Variants in CSPG5 observed in about 807,000 individuals in gnomAD.
CSPG5 encodes acidic leucine-rich EGF-like domain-containing brain protein.
A neutral mutation model predicts 39.8 loss-of-function variants in CSPG5; 25 were observed. That is an observed-to-expected ratio of 0.63 (90% CI 0.46 to 0.88). The LOEUF is 0.88. CSPG5 is among the 40% of genes least tolerant of loss of function. CSPG5 has a pLI of 0.00. For synonymous variants in CSPG5, 295 were observed against 303.9 expected (o/e 0.97, Z 0.31); for missense variants, 627 against 702.2 (o/e 0.89, Z 1.21).
At position 47,562,405 on chromosome 3, in the gene CSPG5, A is replaced by G. The variant is rs2031112039; in HGVS notation, c.*195T>C. The G allele has an allele frequency of 3.5e-5, 18 of 514,382 alleles. No homozygotes were observed. The East Asian group carries it at 5.7e-4, about 16-fold the overall frequency. 31.9% of individuals were successfully genotyped at this position (514,382 alleles called of 1,614,324 possible). On this transcript the variant is annotated 3_prime_UTR_variant, in exon 5 of 5. Coordinates refer to ENST00000264723, the MANE Select transcript of CSPG5 (RefSeq NM_006574.4). ...CAGAAAAAACAACCCAATGTATGCA[A>G]TTCTGTTCAGTTTCTTTGCTTATTT...
At chr3:47,564,796 T>C (rs1000195787) in intron 4 of CSPG5, among the ~76,000 whole-genome samples, 8 of 152,116 alleles carry the variant, frequency 5.3e-5, no homozygotes, top group Non-Finnish European at 1.2e-4. Context: ...TATATATATA[T>C]ACACACGTGT....
chr3:47,577,522 G>A lies in CSPG5; in HGVS notation c.504C>T (p.Pro168=), dbSNP rs2031805113. Residue 168 remains proline, a synonymous_variant, in exon 2 of 5, where the codon CCC becomes CCT. Coordinates refer to ENST00000264723, the MANE Select transcript of CSPG5 (RefSeq NM_006574.4). This position sits in a 1 kb window ranked among gnomAD's most constrained non-coding sequence, Gnocchi z 4.7. ...GDKLSPASEL[P]KESPLEVWLN... ...GCCAAACCTCCAAGGGGCTCTCCTT[G>A]GGGAGTTCAGAAGCTGGGCTCAGCT... is the stretch of plus-strand genomic sequence containing the variant. 1.9e-6 allele frequency: 3 copies of A among 1,612,376 alleles called. No individual in the cohort carries two copies. The highest frequency in any genetic ancestry group is 2.5e-6 in the Non-Finnish European group (3 of 1,179,436).
intron 4 of CSPG5, among the ~76,000 whole-genome samples, chr3:47,566,461 C>T (rs1355792997): frequency 2.0e-5 from 3 of 152,164 alleles, no homozygotes; most frequent in Non-Finnish European, 4.4e-5. Context: ...TGTTCATCGG[C>T]AATGCCCACA....
In CSPG5 at chr3:47,576,889, A is replaced by T; in HGVS notation, c.1137T>A (p.Ser379Arg). ...SCRSVCDLFP[S>R]YCHNGGQCYL... ...AGCACTGGCCGCCATTGTGACAGTA[A>T]CTTGGGAAGAGGTCGCACACTGACC... The change falls in exon 2 of 5, where the codon AGT becomes AGA. Residue 379 changes from serine to arginine, a missense_variant. Ser to Arg is a moderately radical substitution (Grantham distance 110, BLOSUM62 -1). Coordinates refer to ENST00000264723, the MANE Select transcript of CSPG5 (RefSeq NM_006574.4). 6.3e-7 allele frequency: 1 copy of T among 1,596,148 alleles called. No homozygotes were observed.
chr3:47,569,734 G>C (rs1348165595), intron 3 of CSPG5, among the ~76,000 whole-genome samples: 3 of 148,572 alleles, frequency 2.0e-5, no homozygotes, highest in Non-Finnish European at 3.0e-5. Context: ...GTTTTTAAAG[G>C]CTTTTCTATT....
At chr3:47,576,073 T>C (rs948250482) in intron 2 of CSPG5, among the ~76,000 whole-genome samples, 8 of 152,048 alleles carry the variant, frequency 5.3e-5, no homozygotes, top group South Asian at 4.1e-4. Context: ...TAGCTGGGAT[T>C]ACAGGCATGT....
chr3:47,562,890 C>T, intron 4 of CSPG5, 129 bp from the exon 5 acceptor site: 1 of 999,024 alleles, frequency 1.0e-6, no homozygotes, highest in Non-Finnish European at 1.4e-6. Context: ...CTTGAATGAA[C>T]TAAAAGGAAC....
chr3:47,577,173 C>T lies in CSPG5; in HGVS notation c.853G>A (p.Asp285Asn), dbSNP rs748169326. 6.8e-6 allele frequency: 11 copies of T among 1,611,240 alleles called. No individual in the cohort carries two copies. In the East Asian group the frequency reaches 2.5e-4, roughly 36 times the overall value. Residue 285 changes from aspartate to asparagine, a missense_variant, in exon 2 of 5, where the codon GAC (aspartate) becomes AAC (asparagine). Physicochemically the swap from Asp to Asn is conservative, Grantham distance 23. Transcript: ENST00000264723. This position sits in a 1 kb window ranked among gnomAD's most constrained non-coding sequence, Gnocchi z 4.7. ...TCTCCACCTCCTACTGCATCTTTGT[C>T]ATCCTCCTCTTCCTCCTCCTCTTCA... ...LDEEEEEEED[D>N]KDAVGGGDLE...
chr3:47,577,034 G>A lies in CSPG5; in HGVS notation c.992C>T (p.Ser331Leu). ...HAVPPQHTLGSVPGSSIALRP... is the reference protein window; with the variant it reads ...HAVPPQHTLGLVPGSSIALRP... ...GAGGGCGATGCTGCTGCCGGGGACC[G>A]ACCCCAGAGTGTGCTGTGGAGGGAC... is the stretch of plus-strand genomic sequence containing the variant. The change falls in exon 2 of 5, where the codon TCG becomes TTG. Residue 331 changes from serine (S) to leucine (L), a missense_variant. Ser to Leu is a moderately radical substitution (Grantham distance 145, BLOSUM62 -2). Transcript: ENST00000264723. The surrounding 1 kb of genome is among the most constrained non-coding windows in gnomAD (Gnocchi z 4.7). 1.2e-6 allele frequency: 2 copies of A among 1,612,948 alleles called. No homozygotes were observed. The highest frequency in any genetic ancestry group is 2.2e-5 in the East Asian group (1 of 44,866).
At chr3:47,574,060 T>G (rs77743161) in intron 2 of CSPG5, among the ~76,000 whole-genome samples, 9 of 152,072 alleles carry the variant, frequency 5.9e-5, no homozygotes, top group Admixed American at 5.9e-4. Flanking sequence ...GGCCTGGGTG[T>G]ACACAGCCAG....
At chr3:47,565,138 G>A (rs569098234) in intron 4 of CSPG5, among the ~76,000 whole-genome samples, 2 of 152,262 alleles carry the variant, frequency 1.3e-5, no homozygotes, top group Middle Eastern at 3.4e-3. Flanking sequence ...ACTCCTCACA[G>A]ACCCTGGTCT....
At chr3:47,576,466 T>G (rs186994956) in intron 2 of CSPG5, among the ~76,000 whole-genome samples, 2,079 of 146,602 alleles carry the variant, frequency 0.014, 49 homozygotes, top group African/African-American at 0.048. Flanking sequence ...GTTTTGTTTT[T>G]TTTTTTTTTT....
chr3:47,571,552 G>A (rs772611894), intron 3 of CSPG5, among the ~76,000 whole-genome samples: 5 of 152,312 alleles, frequency 3.3e-5, no homozygotes, highest in African/African-American at 4.8e-5. Context: ...GATGCAGCCC[G>A]CCTCAGTGCA....
Position 47,578,062 on chromosome 3 carries a change from C to T in CSPG5, c.98-134G>A, listed in dbSNP as rs1246237609. On this transcript the variant is annotated intron_variant, in intron 1 of 4. Coordinates refer to ENST00000264723, the MANE Select transcript of CSPG5 (RefSeq NM_006574.4). This position sits in a 1 kb window ranked among gnomAD's most constrained non-coding sequence, Gnocchi z 6.0. ...CCTCGCCACCCTCAGACCCCACCGC[C>T]CCAGTGTGACCCCAGCCACCCGGTA... is the stretch of plus-strand genomic sequence containing the variant. 4 of 1,256,804 alleles carry T rather than the reference C, an allele frequency of 3.2e-6. No individual in the cohort carries two copies. The highest frequency in any genetic ancestry group is 4.0e-6 in the Non-Finnish European group (4 of 991,410). The allele number at this position is 1,256,804 out of a possible 1,614,324, so 77.9% of individuals were successfully genotyped here. A position where few individuals can be genotyped will look rare whatever the true frequency, so the allele number is the denominator to read the frequency against.
chr3:47,576,706 T>C (rs1473452950), intron 2 of CSPG5, 127 bp downstream of exon 2: 114 of 1,074,620 alleles, frequency 1.1e-4, no homozygotes, highest in Middle Eastern at 2.3e-4. Context: ...GAGATCCGCC[T>C]GCCTCAGCCT....
chr3:47,574,666 G>A (rs1443608646), intron 2 of CSPG5, among the ~76,000 whole-genome samples: 2 of 152,200 alleles, frequency 1.3e-5, no homozygotes, highest in African/African-American at 4.8e-5. Flanking sequence ...TCGGCTGGGC[G>A]CGGTGGCTCA....
intron 2 of CSPG5, 103 bp downstream of exon 2, chr3:47,576,730 G>C: frequency 7.5e-7 from 1 of 1,330,094 alleles, no homozygotes; most frequent in Non-Finnish European, 1.0e-6. Flanking sequence ...AAAGTGCTGG[G>C]ATTACAGGCG....
In CSPG5 at chr3:47,562,449, C is replaced by G; in HGVS notation, c.*151G>C. On this transcript the variant is annotated 3_prime_UTR_variant, in exon 5 of 5. Transcript: ENST00000264723. ...CTTATTTTAAGTATTTTTTTGCCTC[C>G]TGTACAAAATACATAAAAGCATGCC... is the stretch of plus-strand genomic sequence containing the variant. 1.3e-6 allele frequency: 1 copy of G among 773,542 alleles called. No individual in the cohort carries two copies. The highest frequency in any genetic ancestry group is 2.0e-6 in the Non-Finnish European group (1 of 497,120). The allele number at this position is 773,542 out of a possible 1,614,324, so 47.9% of individuals were successfully genotyped here. A position where few individuals can be genotyped will look rare whatever the true frequency, so the allele number is the denominator to read the frequency against.
chr3:47,574,984 G>A (rs969862799), intron 2 of CSPG5, among the ~76,000 whole-genome samples: 7 of 152,156 alleles, frequency 4.6e-5, no homozygotes, highest in Admixed American at 3.9e-4. Context: ...AAAGAAACTG[G>A]AACTTAAGTT....
Sources: gnomAD v4.1 joint callset for allele counts (sites outside exome capture counted in the v4.1 genomes callset) on GRCh38, gnomAD v4.1.1 for gene constraint, Gnocchi (gnomAD v3.1) non-coding constraint, MANE v1.5 for transcripts, NCBI Gene and HGNC (gene_info 2026-07-23, HGNC 2026-07-21) for gene names.